The following IL2RB variants were observed in gnomAD, a reference collection of about 807,000 sequenced individuals.
The protein encoded by IL2RB is interleukin-2 receptor subunit beta.
In IL2RB, 17 loss-of-function variants were observed where a neutral mutation model predicts 44.2. The ratio of observed to expected loss-of-function variants is 0.38; its 90% CI spans 0.26 to 0.58. IL2RB has a LOEUF of 0.58. IL2RB is among the 20% of genes least tolerant of loss of function. The probability of loss-of-function intolerance (pLI) is 0.63; values close to 1 mark genes in which losing one functional copy is unlikely to be tolerated. For synonymous variants in IL2RB, 286 were observed against 297.9 expected (o/e 0.96, Z 0.41); for missense variants, 624 against 685.5 (o/e 0.91, Z 1.00).
chr22:37,148,811 C>T (rs949872913), intron 1 of IL2RB, among the ~76,000 whole-genome samples: 1 of 152,100 alleles, frequency 6.6e-6, no homozygotes, highest in Non-Finnish European at 1.5e-5. Flanking sequence ...TGGTCAGGTG[C>T]AGTTCGGGGC....
chr22:37,136,551 C>A lies in IL2RB; in HGVS notation c.538-158G>T. On this transcript the variant is annotated intron_variant, in intron 6 of 9. Coordinates refer to ENST00000216223, the MANE Select transcript of IL2RB (RefSeq NM_000878.5). ...TACCCAGTTGCTGGGGCCTCAAACC[C>A]CAGGGTCATCCCCTAAAGCCCAAGT... 3 of 747,700 alleles carry A rather than the reference C, an allele frequency of 4.0e-6. No homozygotes were observed. The South Asian group carries it at 5.5e-5, about 14-fold the overall frequency. 46.3% of individuals were successfully genotyped at this position (747,700 alleles called of 1,614,324 possible).
Position 37,128,014 on chromosome 22 carries a change from G to A in IL2RB, c.*82C>T. The A allele has an allele frequency of 1.7e-6, 2 of 1,176,990 alleles. No homozygotes were observed. Among genetic ancestry groups the A allele is most frequent in the South Asian group, 2.0e-5 (1 of 49,776 alleles). The allele number at this position is 1,176,990 out of a possible 1,614,324, so 72.9% of individuals were successfully genotyped here. A position where few individuals can be genotyped will look rare whatever the true frequency, so the allele number is the denominator to read the frequency against. On this transcript the variant is annotated 3_prime_UTR_variant, in exon 10 of 10. Transcript: ENST00000216223. The surrounding 1 kb of genome is among the most constrained non-coding windows in gnomAD (Gnocchi z 4.5). ...AACTGGACACTGAGTGTCCTCAGCA[G>A]TGGACTGAGGACCCTCAACAGGGTC...
At chr22:37,133,068 C>T (rs1239331073) in intron 8 of IL2RB, among the ~76,000 whole-genome samples, 3 of 152,166 alleles carry the variant, frequency 2.0e-5, no homozygotes, top group Non-Finnish European at 4.4e-5. Flanking sequence ...TTGATTTGCC[C>T]AAAGGTTCCA....
Position 37,144,120 on chromosome 22 carries a change from G to T in IL2RB, c.53C>A (p.Pro18His). Residue 18 changes from proline (P) to histidine (H), a missense_variant, in exon 2 of 10, where the codon CCC (proline) becomes CAC (histidine). Transcript: ENST00000216223. ...WRLPLLILLL[P>H]LATSWASAAV... is the part of the protein sequence containing the mutation. ...TGCAGATGCCCAAGAGGTAGCCAGGGGCAGGAGGAGGATGAGGAGGGGCAG... is the reference window on the plus strand; with the variant it reads ...TGCAGATGCCCAAGAGGTAGCCAGGTGCAGGAGGAGGATGAGGAGGGGCAG... 1 of 1,552,464 alleles carries T rather than the reference G, an allele frequency of 6.4e-7. No homozygotes were observed. Among genetic ancestry groups the T allele is most frequent in the Non-Finnish European group, 8.7e-7 (1 of 1,147,286 alleles).
chr22:37,145,478 C>T, intron 1 of IL2RB, among the ~76,000 whole-genome samples: 1 of 151,794 alleles, frequency 6.6e-6, no homozygotes, highest in Non-Finnish European at 1.5e-5. Flanking sequence ...CTCTAGCCAA[C>T]CGTGGAAGCT....
chr22:37,157,388 C>T (rs1299601040), intron 1 of IL2RB, among the ~76,000 whole-genome samples: 1 of 152,132 alleles, frequency 6.6e-6, no homozygotes, highest in Non-Finnish European at 1.5e-5. Flanking sequence ...CCACGCCAGC[C>T]CCCCAGGCTC....
intron 8 of IL2RB, among the ~76,000 whole-genome samples, chr22:37,134,675 G>C (rs1921595445): frequency 6.6e-6 from 1 of 152,196 alleles, no homozygotes; most frequent in Non-Finnish European, 1.5e-5. Flanking sequence ...GGTATCTGTA[G>C]GGGGTAGGGA....
chr22:37,138,723 C>G lies in IL2RB; in HGVS notation c.388+394G>C, dbSNP rs377118641. On this transcript the variant is annotated intron_variant, in intron 5 of 9. Transcript: ENST00000216223. Reference sequence around the variant, plus strand: ...AAAGGGCTAGGGGAGTCTAGGAAGGCCTCCTGGAGGAAGTGACTTTCAACT... The same window carrying G: ...AAAGGGCTAGGGGAGTCTAGGAAGGGCTCCTGGAGGAAGTGACTTTCAACT... Among the ~76,000 whole-genome samples the G allele has an allele frequency of 5.8e-4, 88 of 152,316 alleles. 2 individuals carry two copies. In the South Asian group the frequency reaches 0.017, roughly 29 times the overall value.
In IL2RB at chr22:37,144,092, C is replaced by A. The variant is rs1163771305; in HGVS notation, c.81G>T (p.Ala27=). The A allele has an allele frequency of 2.6e-6, 4 of 1,552,086 alleles. No homozygotes were observed. The highest frequency in any genetic ancestry group is 1.4e-5 in the African/African-American group (1 of 73,072). The part of the protein sequence containing the change: ...LPLATSWASA[A]VNGTSQFTCF... ...AGATGTCAGGGTCCTCACCATTCACCGCTGCAGATGCCCAAGAGGTAGCCA... is the reference window on the plus strand; with the variant it reads ...AGATGTCAGGGTCCTCACCATTCACAGCTGCAGATGCCCAAGAGGTAGCCA... Residue 27 remains alanine, a synonymous_variant, in exon 2 of 10, where the codon GCG becomes GCT. Transcript: ENST00000216223.
At chr22:37,132,761 T>A (rs1921496958) in intron 8 of IL2RB, among the ~76,000 whole-genome samples, 1 of 151,924 alleles carries the variant, frequency 6.6e-6, no homozygotes, top group Non-Finnish European at 1.5e-5. Context: ...GAGAGCACAG[T>A]GCTACACAAG....
At position 37,128,077 on chromosome 22, in the gene IL2RB, T is replaced by G. The variant is rs760940391; in HGVS notation, c.*19A>C. The G allele has an allele frequency of 5.3e-6, 8 of 1,505,520 alleles. No individual in the cohort carries two copies. 93.3% of individuals were successfully genotyped at this position (1,505,520 alleles called of 1,614,324 possible). ...GGCGCAGAGCAGGCAGCTGCCTGCC[T>G]CCCACCCTGGCCATCTGTCTACACC... On this transcript the variant is annotated 3_prime_UTR_variant, in exon 10 of 10. Coordinates refer to ENST00000216223, the MANE Select transcript of IL2RB (RefSeq NM_000878.5). This position sits in a 1 kb window ranked among gnomAD's most constrained non-coding sequence, Gnocchi z 4.5.
chr22:37,171,294 C>G (rs1923276553), intron 1 of IL2RB, among the ~76,000 whole-genome samples: 1 of 152,170 alleles, frequency 6.6e-6, no homozygotes, highest in Non-Finnish European at 1.5e-5. Flanking sequence ...CACGCTCTTT[C>G]ATTCAAATAA....
chr22:37,144,619 C>G (rs1314405373), intron 1 of IL2RB, among the ~76,000 whole-genome samples: 1 of 152,122 alleles, frequency 6.6e-6, no homozygotes, highest in Admixed American at 6.5e-5. Flanking sequence ...GTGGTGGGTG[C>G]CTGTAGTCCC....
chr22:37,163,626 C>A (rs1202212721), intron 1 of IL2RB, among the ~76,000 whole-genome samples: 4 of 152,224 alleles, frequency 2.6e-5, no homozygotes, highest in Non-Finnish European at 4.4e-5. Flanking sequence ...CTCTTCTCAG[C>A]CCTTGGGAGG....
intron 1 of IL2RB, among the ~76,000 whole-genome samples, chr22:37,172,991 A>C (rs1923340289): frequency 6.6e-6 from 1 of 152,110 alleles, no homozygotes; most frequent in Admixed American, 6.5e-5. Context: ...CCTCTTTCCC[A>C]GGAACCATCC....
At chr22:37,130,513 G>A (rs1205710040) in intron 9 of IL2RB, among the ~76,000 whole-genome samples, 1 of 152,238 alleles carries the variant, frequency 6.6e-6, no homozygotes, top group African/African-American at 2.4e-5. Flanking sequence ...CTCTCACCCA[G>A]ATGCAGAAAA....
Position 37,132,384 on chromosome 22 carries a change from C to T in IL2RB, c.903G>A (p.Gln301=). The part of the protein sequence containing the change: ...QLSSEHGGDV[Q]KWLSSPFPSS... ...CTGTCTCCCCGCCCCGGCCTCCTAC[C>T]TGGACGTCTCCTCCATGCTCTGAGC... Residue 301 remains glutamine, a splice_region_variant and synonymous_variant, in exon 9 of 10, where the codon CAG becomes CAA. Transcript: ENST00000216223. 1 of 1,613,868 alleles carries T rather than the reference C, an allele frequency of 6.2e-7. No individual in the cohort carries two copies. The highest frequency in any genetic ancestry group is 8.5e-7 in the Non-Finnish European group (1 of 1,179,846).
chr22:37,133,134 T>G (rs1921513812), intron 8 of IL2RB, among the ~76,000 whole-genome samples: 1 of 152,178 alleles, frequency 6.6e-6, no homozygotes, highest in African/African-American at 2.4e-5. Context: ...GTGAGCGGCC[T>G]CTGAAGAGTG....
rs772683576 is a variant in IL2RB, at chr22:37,132,484, G to A, written c.819-16C>T. On this transcript the variant is annotated splice_polypyrimidine_tract_variant and intron_variant, in intron 8 of 9. Coordinates refer to ENST00000216223, the MANE Select transcript of IL2RB (RefSeq NM_000878.5). ...CTTCTTCAGCCTGGACAGAGGAGAG[G>A]AGGGAAGGAGGAGGGTGAGAAAGGG... 4 of 1,602,692 alleles carry A rather than the reference G, an allele frequency of 2.5e-6. No individual in the cohort carries two copies. The highest frequency in any genetic ancestry group is 2.6e-6 in the Non-Finnish European group (3 of 1,170,176).
Sources: gnomAD v4.1 joint callset for allele counts (sites outside exome capture counted in the v4.1 genomes callset) on GRCh38, gnomAD v4.1.1 for gene constraint, Gnocchi (gnomAD v3.1) non-coding constraint, MANE v1.5 for transcripts, NCBI Gene and HGNC (gene_info 2026-07-23, HGNC 2026-07-21) for gene names.